Variants in RARRES1 observed in about 807,000 individuals in gnomAD.
The protein encoded by RARRES1 is retinoic acid receptor responder protein 1.
A neutral mutation model predicts 30.6 loss-of-function variants in RARRES1; 34 were observed. The observed-to-expected ratio is 1.11, with a 90% CI of 0.84 to 1.48. RARRES1 has a LOEUF of 1.48. Ranked by LOEUF, RARRES1 falls within the 40% of genes most tolerant of loss-of-function variation. The pLI, the probability that RARRES1 is intolerant of heterozygous loss-of-function variation, is 0.00. For synonymous variants in RARRES1, 153 were observed against 155.5 expected, an observed-to-expected ratio of 0.98 and a Z score of 0.12; for missense variants, 373 against 386.5, an observed-to-expected ratio of 0.97 and a Z score of 0.29.
intron 1 of RARRES1, among the ~76,000 whole-genome samples, chr3:158,718,509 A>G (rs960120488): frequency 6.6e-6 from 1 of 152,234 alleles, no homozygotes; most frequent in African/African-American, 2.4e-5. Flanking sequence ...TAGACTGGCA[A>G]TCAAGAAAGT....
At chr3:158,718,400 A>G (rs1469673264) in intron 1 of RARRES1, among the ~76,000 whole-genome samples, 2 of 152,258 alleles carry the variant, frequency 1.3e-5, no homozygotes, top group Non-Finnish European at 2.9e-5. Flanking sequence ...TGTATTAAGT[A>G]TGCTAACAAA....
intron 2 of RARRES1, among the ~76,000 whole-genome samples, chr3:158,711,748 CCAT>C (rs1727144425): frequency 6.6e-6 from 1 of 151,986 alleles, no homozygotes; most frequent in South Asian, 2.1e-4. Context: ...GTGCCCACCA[CCAT>C]GCCTGGCTAA....
intron 3 of RARRES1, among the ~76,000 whole-genome samples, chr3:158,707,508 G>C (rs555826778): frequency 7.6e-4 from 116 of 152,212 alleles, no homozygotes; most frequent in Non-Finnish European, 1.2e-3. Flanking sequence ...AGAACCAAGG[G>C]TATAAAAGGA....
intron 1 of RARRES1, among the ~76,000 whole-genome samples, chr3:158,729,394 A>G (rs1000301221): frequency 6.6e-6 from 1 of 151,776 alleles, no homozygotes; most frequent in African/African-American, 2.4e-5. Flanking sequence ...ATCTTATTTT[A>G]TTTTCAAGGG....
At chr3:158,707,804 C>T (rs1338047872) in intron 3 of RARRES1, among the ~76,000 whole-genome samples, 2 of 152,184 alleles carry the variant, frequency 1.3e-5, no homozygotes, top group African/African-American at 4.8e-5. Context: ...GTATTTGTTG[C>T]CCTTCATTGT....
intron 2 of RARRES1, 118 bp downstream of exon 2, chr3:158,713,679 G>T (rs1727220779): frequency 4.1e-6 from 4 of 974,980 alleles, no homozygotes; most frequent in East Asian, 4.9e-5. Flanking sequence ...ATAGGAAACA[G>T]ATCAGGAAAA....
At chr3:158,698,699 T>C (rs1451052016) in intron 4 of RARRES1, among the ~76,000 whole-genome samples, 1 of 151,686 alleles carries the variant, frequency 6.6e-6, no homozygotes, top group Non-Finnish European at 1.5e-5. Context: ...GCAAGAGTGC[T>C]TATCTGTTCA....
intron 4 of RARRES1, among the ~76,000 whole-genome samples, chr3:158,700,559 A>G (rs1281180855): frequency 1.3e-5 from 2 of 152,186 alleles, no homozygotes; most frequent in African/African-American, 2.4e-5. Flanking sequence ...CTCCTCCTTT[A>G]GGAGGAACCA....
chr3:158,724,013 G>A lies in RARRES1; in HGVS notation c.276+8127C>T, dbSNP rs1045301382. Among the ~76,000 whole-genome samples, 17 of 152,192 alleles carry A rather than the reference G, an allele frequency of 1.1e-4. 1 individual carries two copies. Among genetic ancestry groups the A allele is most frequent in the Admixed American group, 1.1e-3 (17 of 15,282 alleles). Reference sequence around the variant, plus strand: ...TGTAGAAGCTGACCGTCTCGTTTGGGATAGGCAAGCACATGGGCAGAGTGG... The same window carrying A: ...TGTAGAAGCTGACCGTCTCGTTTGGAATAGGCAAGCACATGGGCAGAGTGG... On this transcript the variant is annotated intron_variant, in intron 1 of 5. Transcript: ENST00000237696.
intron 3 of RARRES1, among the ~76,000 whole-genome samples, chr3:158,709,906 G>C (rs1727052875): frequency 6.6e-6 from 1 of 152,230 alleles, no homozygotes. Context: ...CTTTGTTGGA[G>C]ACAGCACCAC....
At chr3:158,711,743 C>T (rs1727144176) in intron 2 of RARRES1, among the ~76,000 whole-genome samples, 1 of 151,856 alleles carries the variant, frequency 6.6e-6, no homozygotes, top group African/African-American at 2.4e-5. Flanking sequence ...TACAGGTGCC[C>T]ACCACCATGC....
At chr3:158,710,471 G>C (rs887347540) in intron 3 of RARRES1, among the ~76,000 whole-genome samples, 2 of 152,168 alleles carry the variant, frequency 1.3e-5, no homozygotes, top group Non-Finnish European at 2.9e-5. Context: ...GCCTCCCAAA[G>C]TGCTGGGATT....
chr3:158,729,040 G>A (rs552750788), intron 1 of RARRES1, among the ~76,000 whole-genome samples: 1 of 152,108 alleles, frequency 6.6e-6, no homozygotes, highest in Non-Finnish European at 1.5e-5. Context: ...CACAGAGTAA[G>A]CATTCAATAC....
chr3:158,713,875 T>C lies in RARRES1; in HGVS notation c.277-16A>G, dbSNP rs1248672729. 1.0e-5 allele frequency: 16 copies of C among 1,607,104 alleles called. No homozygotes were observed. Among genetic ancestry groups the C allele is most frequent in the Non-Finnish European group, 1.3e-5 (15 of 1,173,772 alleles). On this transcript the variant is annotated splice_polypyrimidine_tract_variant and intron_variant, in intron 1 of 5. Coordinates refer to ENST00000237696, the MANE Select transcript of RARRES1 (RefSeq NM_206963.2). Reference sequence around the variant, plus strand: ...TTGGATTAATCTGGAACACAGAAACTGAATCTTAGTATAGTAGAAGCTCCC... The same window carrying C: ...TTGGATTAATCTGGAACACAGAAACCGAATCTTAGTATAGTAGAAGCTCCC...
At chr3:158,726,605 A>G (rs1420431302) in intron 1 of RARRES1, among the ~76,000 whole-genome samples, 1 of 152,246 alleles carries the variant, frequency 6.6e-6, no homozygotes, top group African/African-American at 2.4e-5. Flanking sequence ...TGTCATGTCC[A>G]TGAAGTCAAG....
intron 1 of RARRES1, among the ~76,000 whole-genome samples, chr3:158,722,161 A>AAAATT (rs1443304225): frequency 4.0e-5 from 6 of 151,194 alleles, no homozygotes; most frequent in Non-Finnish European, 8.8e-5. Flanking sequence ...ATTTTTAAAG[A>AAAATT]AAATTCCCTC....
At chr3:158,726,465 A>G (rs546004056) in intron 1 of RARRES1, among the ~76,000 whole-genome samples, 1 of 152,338 alleles carries the variant, frequency 6.6e-6, no homozygotes, top group East Asian at 1.9e-4. Flanking sequence ...AGTGGCCTAT[A>G]TGGGCCTGGC....
At chr3:158,700,202 AGTGTGT>A (rs138755640) in intron 4 of RARRES1, among the ~76,000 whole-genome samples, 7 of 147,674 alleles carry the variant, frequency 4.7e-5, no homozygotes, top group Admixed American at 1.4e-4. Flanking sequence ...AATAATAATA[AGTGTGT>A]GTGTGTGTGT....
intron 1 of RARRES1, among the ~76,000 whole-genome samples, chr3:158,719,236 T>A (rs1370682562): frequency 6.6e-6 from 1 of 151,800 alleles, no homozygotes; most frequent in Non-Finnish European, 1.5e-5. Flanking sequence ...TTCTTCATAA[T>A]CATGGGCCAC....
Sources: allele counts gnomAD v4.1 joint callset (sites outside exome capture counted in the v4.1 genomes callset), GRCh38; gene constraint gnomAD v4.1.1; transcripts MANE v1.5; gene names NCBI Gene and HGNC (gene_info 2026-07-23, HGNC 2026-07-21).